The following CHEK2 variants were observed in gnomAD, a reference collection of about 807,000 sequenced individuals.
CHEK2 encodes checkpoint kinase 2, also known as serine/threonine-protein kinase Chk2.
Under a neutral mutation model 69.1 loss-of-function variants are expected in CHEK2, and 71 were observed. The ratio of observed to expected loss-of-function variants is 1.03; its 90% CI spans 0.85 to 1.25. CHEK2 has a LOEUF of 1.25. Ranked by LOEUF, CHEK2 falls within the 50% of genes most tolerant of loss-of-function variation. CHEK2 has a pLI of 0.00. For missense variants in CHEK2, 664 were observed against 649.6 expected (o/e 1.02, Z -0.24); for synonymous variants, 189 against 226.9 (o/e 0.83, Z 1.50).
intron 7 of CHEK2, among the ~76,000 whole-genome samples, chr22:28,705,394 C>T (rs2053079578): frequency 6.6e-6 from 1 of 151,926 alleles, no homozygotes; most frequent in Non-Finnish European, 1.5e-5. Flanking sequence ...TTTTTGAGAG[C>T]TGACACAACA....
chr22:28,733,655 A>G (rs1307722759), intron 2 of CHEK2, among the ~76,000 whole-genome samples: 1 of 152,202 alleles, frequency 6.6e-6, no homozygotes, highest in Non-Finnish European at 1.5e-5. Flanking sequence ...ACGGTTGCTC[A>G]TGCCTGTAAT....
intron 2 of CHEK2, among the ~76,000 whole-genome samples, chr22:28,729,746 G>A (rs1013180565): frequency 6.6e-6 from 1 of 151,880 alleles, no homozygotes; most frequent in African/African-American, 2.4e-5. Context: ...ACCTAATAAA[G>A]AGCTTTTATT....
intron 2 of CHEK2, among the ~76,000 whole-genome samples, chr22:28,732,265 C>T (rs1189359220): frequency 1.3e-5 from 2 of 152,178 alleles, no homozygotes; most frequent in Non-Finnish European, 2.9e-5. Context: ...GAGCCCGCCA[C>T]CATGCCCAGC....
chr22:28,710,690 C>A (rs1033732189), intron 6 of CHEK2, among the ~76,000 whole-genome samples: 1 of 152,090 alleles, frequency 6.6e-6, no homozygotes, highest in African/African-American at 2.4e-5. Context: ...GCTTCCTGGG[C>A]TACACCCTCC....
At chr22:28,694,286 T>G (rs1404103552) in intron 12 of CHEK2, among the ~76,000 whole-genome samples, 169 bp from the exon 13 acceptor site, 1 of 152,216 alleles carries the variant, frequency 6.6e-6, no homozygotes, top group Non-Finnish European at 1.5e-5. Flanking sequence ...TTCAGAGTAC[T>G]GTGAGAAGAC....
intron 14 of CHEK2, among the ~76,000 whole-genome samples, 158 bp downstream of exon 14, chr22:28,688,977 G>T (rs545012469): frequency 6.6e-6 from 1 of 152,060 alleles, no homozygotes; most frequent in Non-Finnish European, 1.5e-5. Flanking sequence ...TAAATCTAAG[G>T]GTGCTGGAGC....
chr22:28,715,278 T>C (rs2053549945), intron 5 of CHEK2, among the ~76,000 whole-genome samples: 1 of 152,168 alleles, frequency 6.6e-6, no homozygotes. Flanking sequence ...CTGGTGACAC[T>C]GCAGGAGCTC....
chr22:28,704,969 C>A (rs2053053493), intron 7 of CHEK2, among the ~76,000 whole-genome samples: 1 of 151,768 alleles, frequency 6.6e-6, no homozygotes, highest in African/African-American at 2.4e-5. Context: ...GTCTTGGAAG[C>A]ATAATGCTGA....
At chr22:28,719,938 T>C (rs1221446148) in intron 4 of CHEK2, among the ~76,000 whole-genome samples, 1 of 152,178 alleles carries the variant, frequency 6.6e-6, no homozygotes, top group African/African-American at 2.4e-5. Context: ...ATACGGGTAT[T>C]ATCATCTCTC....
intron 7 of CHEK2, 93 bp from the exon 8 acceptor site, chr22:28,703,659 G>A (rs2052990011): frequency 2.5e-6 from 2 of 815,888 alleles, no homozygotes; most frequent in African/African-American, 1.7e-5. Context: ...GGGACAGGGA[G>A]GCCAAGAACA....
At chr22:28,732,260 C>T (rs779492653) in intron 2 of CHEK2, among the ~76,000 whole-genome samples, 10 of 152,038 alleles carry the variant, frequency 6.6e-5, no homozygotes, top group Admixed American at 1.3e-4. Flanking sequence ...TACAGGAGCC[C>T]GCCACCATGC....
At chr22:28,733,047 C>A (rs1397424901) in intron 2 of CHEK2, among the ~76,000 whole-genome samples, 1 of 152,176 alleles carries the variant, frequency 6.6e-6, no homozygotes, top group Non-Finnish European at 1.5e-5. Flanking sequence ...CCGCTTTGGC[C>A]TCCCAAAGTG....
At position 28,695,890 on chromosome 22, in the gene CHEK2, A is replaced by G; in HGVS notation, c.1096-17T>C. On this transcript the variant is annotated splice_polypyrimidine_tract_variant and intron_variant, in intron 10 of 14. Transcript: ENST00000404276. ...ATCAGTAATCTAAAATTCAGTACAA[A>G]AGGGAATAATGTTGAACTTGCCATA... is the stretch of plus-strand genomic sequence containing the variant. 2.5e-6 allele frequency: 4 copies of G among 1,595,776 alleles called. No individual in the cohort carries two copies. The highest frequency in any genetic ancestry group is 3.4e-6 in the Non-Finnish European group (4 of 1,163,302).
At chr22:28,719,659 A>G (rs888549820) in intron 4 of CHEK2, among the ~76,000 whole-genome samples, 174 bp from the exon 5 acceptor site, 3 of 152,242 alleles carry the variant, frequency 2.0e-5, no homozygotes, top group African/African-American at 7.2e-5. Flanking sequence ...GGGCTAATAC[A>G]TATTGTAAAG....
intron 8 of CHEK2, among the ~76,000 whole-genome samples, chr22:28,702,684 T>C (rs1320145850): frequency 6.6e-6 from 1 of 151,754 alleles, no homozygotes; most frequent in Non-Finnish European, 1.5e-5. Flanking sequence ...GTAGCTGAAG[T>C]AACAGGTGTG....
intron 2 of CHEK2, chr22:28,730,412 C>A: frequency 1.6e-6 from 1 of 637,154 alleles, no homozygotes. Context: ...CCACAGCTAA[C>A]ATCATACTTA....
At chr22:28,715,697 GGCGTTA>G (rs749405471) in intron 5 of CHEK2, among the ~76,000 whole-genome samples, 3 of 152,188 alleles carry the variant, frequency 2.0e-5, no homozygotes, top group Non-Finnish European at 4.4e-5. Flanking sequence ...CCGGATTACA[GGCGTTA>G]GCCACTATGC....
intron 2 of CHEK2, among the ~76,000 whole-genome samples, chr22:28,732,917 G>A (rs1415135985): frequency 6.6e-6 from 1 of 151,934 alleles, no homozygotes; most frequent in African/African-American, 2.4e-5. Flanking sequence ...TCATCCTCCT[G>A]AGTAGCTGGG....
chr22:28,732,109 T>A (rs1443179107), intron 2 of CHEK2, among the ~76,000 whole-genome samples: 1 of 150,862 alleles, frequency 6.6e-6, no homozygotes, highest in African/African-American at 2.4e-5. Context: ...GCCCCGCAAA[T>A]TTTTTTTTCT....
Sources: allele counts gnomAD v4.1 joint callset (sites outside exome capture counted in the v4.1 genomes callset), GRCh38; gene constraint gnomAD v4.1.1; transcripts MANE v1.5; gene names NCBI Gene and HGNC (gene_info 2026-07-23, HGNC 2026-07-21).